Variants in NUGGC observed in about 807,000 individuals in gnomAD.
NUGGC encodes the protein nuclear GTPase, germinal center associated.
NUGGC carries 58 observed loss-of-function variants against 92.6 expected under a neutral mutation model. The ratio of observed to expected loss-of-function variants is 0.63; its 90% CI spans 0.51 to 0.78. The LOEUF (loss-of-function observed/expected upper bound fraction) is 0.78, where lower values mean the gene tolerates loss of function less well. NUGGC is among the 30% of genes least tolerant of loss of function. The pLI, the probability that NUGGC is intolerant of heterozygous loss-of-function variation, is 0.00. For missense variants in NUGGC, 925 were observed against 964.6 expected, an observed-to-expected ratio of 0.96 and a Z score of 0.54; for synonymous variants, 376 against 366.4, an observed-to-expected ratio of 1.03 and a Z score of -0.30.
rs1368453953 is a variant in NUGGC, at chr8:28,022,565, A to G, written c.*752T>C. 1 of 152,338 alleles carries G rather than the reference A, an allele frequency of 6.6e-6. No individual in the cohort carries two copies. Among genetic ancestry groups the G allele is most frequent in the East Asian group, 1.9e-4 (1 of 5,190 alleles). The allele number at this position is 152,338 out of a possible 1,614,324, so 9.4% of individuals were successfully genotyped here. On this transcript the variant is annotated 3_prime_UTR_variant, in exon 19 of 19. Coordinates refer to ENST00000413272, the MANE Select transcript of NUGGC (RefSeq NM_001010906.2). ...GGCTATAAAATAAAATGCAGTAAAC[A>G]TACTAGTTTTATATTGCATGCAAAG...
intron 9 of NUGGC, among the ~76,000 whole-genome samples, chr8:28,056,681 G>A (rs1423226309): frequency 6.6e-6 from 1 of 152,056 alleles, no homozygotes; most frequent in East Asian, 1.9e-4. Context: ...AATAGATGTA[G>A]ATCCCAGTTT....
intron 10 of NUGGC, among the ~76,000 whole-genome samples, chr8:28,049,757 G>A (rs1809940639): frequency 6.6e-6 from 1 of 152,170 alleles, no homozygotes; most frequent in Non-Finnish European, 1.5e-5. Flanking sequence ...GTAAAAAGAT[G>A]TTGTATGTGA....
At chr8:28,030,069 G>A (rs1054030319) in intron 16 of NUGGC, among the ~76,000 whole-genome samples, 2 of 152,132 alleles carry the variant, frequency 1.3e-5, no homozygotes, top group Admixed American at 1.3e-4. Flanking sequence ...TAAATCAGCT[G>A]GGATGTTGTA....
rs1441538385 is a variant in NUGGC at position 28,022,456 on chromosome 8, C to A, written c.*861G>T. On this transcript the variant is annotated 3_prime_UTR_variant, in exon 19 of 19. Coordinates refer to ENST00000413272, the MANE Select transcript of NUGGC (RefSeq NM_001010906.2). ...TACGGGAGTGAGCCACCATGCCCAG[C>A]GATGTTTAGATGTTTTTGCGGAAGC... is the stretch of plus-strand genomic sequence containing the variant. The A allele has an allele frequency of 6.6e-6, 1 of 150,722 alleles. No individual in the cohort carries two copies. The highest frequency in any genetic ancestry group is 1.9e-4 in the East Asian group (1 of 5,182). 9.3% of individuals were successfully genotyped at this position (150,722 alleles called of 1,614,324 possible).
At chr8:28,083,734 C>T (rs1158423439) in intron 1 of NUGGC, 41 bp downstream of exon 1, 1 of 151,640 alleles carries the variant, frequency 6.6e-6, no homozygotes, top group Non-Finnish European at 1.5e-5. Flanking sequence ...AAAAAATCAA[C>T]CACAAGTTAC....
chr8:28,058,745 C>T lies in NUGGC; in HGVS notation c.1098-469G>A, dbSNP rs539952384. Among the ~76,000 whole-genome samples, 3 of 151,908 alleles carry T rather than the reference C, an allele frequency of 2.0e-5. No homozygotes were observed. In the South Asian group the frequency reaches 6.2e-4, roughly 32 times the overall value. The stretch of plus-strand genomic sequence containing the variant: ...TGAGACGGAGTCTCACTCTGTTGCC[C>T]AGGCTGGAGTGCAGTGGTACGATCT... On this transcript the variant is annotated intron_variant, in intron 8 of 18. Transcript: ENST00000413272.
intron 4 of NUGGC, 91 bp from the exon 5 acceptor site, chr8:28,068,529 C>A: frequency 1.2e-6 from 1 of 855,768 alleles, no homozygotes; most frequent in Non-Finnish European, 1.9e-6. Flanking sequence ...GAATTCTAAT[C>A]CCGGGCACGT....
chr8:28,054,230 C>T (rs1585579712), intron 10 of NUGGC, among the ~76,000 whole-genome samples: 1 of 152,020 alleles, frequency 6.6e-6, no homozygotes, highest in African/African-American at 2.4e-5. Context: ...GTTGGTAATC[C>T]CAGCACTTTG....
chr8:28,024,490 C>G (rs747574185), intron 18 of NUGGC, among the ~76,000 whole-genome samples: 3 of 152,194 alleles, frequency 2.0e-5, no homozygotes, highest in Admixed American at 6.5e-5. Context: ...CCTCCACCAT[C>G]GTGTGGGCCA....
intron 14 of NUGGC, among the ~76,000 whole-genome samples, chr8:28,031,693 C>A (rs921642193): frequency 6.6e-6 from 1 of 152,234 alleles, no homozygotes; most frequent in African/African-American, 2.4e-5. Flanking sequence ...AACTACAGGA[C>A]TCACAGTCTT....
chr8:28,081,742 G>A (rs1430529882), intron 1 of NUGGC, among the ~76,000 whole-genome samples: 1 of 152,100 alleles, frequency 6.6e-6, no homozygotes, highest in African/African-American at 2.4e-5. Context: ...GCCAGCCGTT[G>A]TGGCACATGC....
In NUGGC at chr8:28,067,715, G is replaced by A; in HGVS notation, c.510C>T (p.Thr170=). The A allele has an allele frequency of 6.2e-7, 1 of 1,613,814 alleles. No homozygotes were observed. The highest frequency in any genetic ancestry group is 8.5e-7 in the Non-Finnish European group (1 of 1,179,788). The change falls in exon 6 of 19, where the codon ACC becomes ACT. Residue 170 remains threonine (T), a synonymous_variant. Coordinates refer to ENST00000413272, the MANE Select transcript of NUGGC (RefSeq NM_001010906.2). ...GCTCCTCCGTCCTATGCAGGAGTTT[G>A]GTCAGGTTCTTCAGCTCCTCCCTCC... The part of the protein sequence containing the change: ...QEWREELKNL[T]KLLHRTEELS...
chr8:28,068,775 C>T (rs750662732), intron 4 of NUGGC, among the ~76,000 whole-genome samples: 13 of 152,114 alleles, frequency 8.5e-5, no homozygotes, highest in Non-Finnish European at 1.5e-4. Flanking sequence ...CTCACTTTGT[C>T]ACCCAGGCTG....
At chr8:28,037,558 C>T (rs1323930224) in intron 13 of NUGGC, among the ~76,000 whole-genome samples, 1 of 152,172 alleles carries the variant, frequency 6.6e-6, no homozygotes, top group Non-Finnish European at 1.5e-5. Flanking sequence ...TCACTGTTGC[C>T]TCCCTAGTCC....
chr8:28,070,164 C>T (rs565557136), intron 3 of NUGGC, 88 bp downstream of exon 3: 4 of 1,479,542 alleles, frequency 2.7e-6, no homozygotes, highest in Admixed American at 2.6e-5. Flanking sequence ...CATCCAGCTT[C>T]AGAATTTAAC....
At chr8:28,041,729 G>A (rs1474452084) in intron 12 of NUGGC, among the ~76,000 whole-genome samples, 1 of 152,154 alleles carries the variant, frequency 6.6e-6, no homozygotes, top group Non-Finnish European at 1.5e-5. Flanking sequence ...AAGTAATGCT[G>A]GTCTTCCGAG....
chr8:28,029,910 C>A (rs1809370803), intron 16 of NUGGC, among the ~76,000 whole-genome samples: 2 of 152,194 alleles, frequency 1.3e-5, no homozygotes, highest in African/African-American at 4.8e-5. Flanking sequence ...CTGAATTAAG[C>A]TGAAACTTGC....
chr8:28,029,227 C>A, intron 17 of NUGGC, 39 bp downstream of exon 17: 1 of 1,583,814 alleles, frequency 6.3e-7, no homozygotes, highest in East Asian at 2.3e-5. Context: ...CCCCCGGAGC[C>A]TCTCGGGGTC....
In NUGGC at chr8:28,033,658, C is replaced by T; in HGVS notation, c.1651G>A (p.Ala551Thr). 1 of 1,613,990 alleles carries T rather than the reference C, an allele frequency of 6.2e-7. No individual in the cohort carries two copies. The change falls in exon 14 of 19, where the codon GCT (alanine) becomes ACT (threonine). Residue 551 changes from alanine (A) to threonine (T), a missense_variant. Physicochemically the swap from Ala to Thr is moderately conservative, Grantham distance 58. Transcript: ENST00000413272. ...GNQGFHQTLK[A>T]VCLKNGIYAS... Reference sequence around the variant, plus strand: ...TAGATGCCATTTTTCAGGCAAACAGCTTTCAGGGTCTGATGAAAACCTTGG... The same window carrying T: ...TAGATGCCATTTTTCAGGCAAACAGTTTTCAGGGTCTGATGAAAACCTTGG...
Sources: gnomAD v4.1 joint callset for allele counts (sites outside exome capture counted in the v4.1 genomes callset) on GRCh38, gnomAD v4.1.1 for gene constraint, MANE v1.5 for transcripts, NCBI Gene and HGNC (gene_info 2026-07-23, HGNC 2026-07-21) for gene names.